Variants in DPP10 observed in about 807,000 individuals in gnomAD.
The protein encoded by DPP10 is inactive dipeptidyl peptidase 10.
In DPP10, 33 loss-of-function variants were observed where a neutral mutation model predicts 120.9. That is an observed-to-expected ratio of 0.27 (90% CI 0.21 to 0.37). The LOEUF (loss-of-function observed/expected upper bound fraction) is 0.37. DPP10 is among the 10% of genes least tolerant of loss of function. DPP10 has a pLI of 1.00. For missense variants in DPP10, 816 were observed against 942.8 expected (o/e 0.87, Z 1.76); for synonymous variants, 337 against 326.1 (o/e 1.03, Z -0.36).
intron 1 of DPP10, among the ~76,000 whole-genome samples, chr2:115,035,781 T>C (rs1704187991): frequency 6.6e-6 from 1 of 152,222 alleles, no homozygotes. Flanking sequence ...ACCATTTATA[T>C]ACAAAAAACA....
At chr2:114,789,744 G>A (rs940577174) in intron 1 of DPP10, among the ~76,000 whole-genome samples, 1 of 152,122 alleles carries the variant, frequency 6.6e-6, no homozygotes, top group Non-Finnish European at 1.5e-5. Flanking sequence ...GTACACAAAG[G>A]GATGGAGATG....
At chr2:115,823,300 G>A (rs1687992715) in intron 21 of DPP10, among the ~76,000 whole-genome samples, 1 of 152,092 alleles carries the variant, frequency 6.6e-6, no homozygotes, top group Non-Finnish European at 1.5e-5. Flanking sequence ...TGGACTTATG[G>A]CTCAAATTTT....
At chr2:115,069,937 T>C (rs1707236786) in intron 1 of DPP10, among the ~76,000 whole-genome samples, 2 of 152,058 alleles carry the variant, frequency 1.3e-5, no homozygotes, top group African/African-American at 4.8e-5. Flanking sequence ...GATTTTAATC[T>C]CCTTACCTGT....
intron 3 of DPP10, among the ~76,000 whole-genome samples, chr2:115,465,860 CACA>C (rs1451782233): frequency 6.6e-6 from 1 of 152,024 alleles, no homozygotes; most frequent in Non-Finnish European, 1.5e-5. Flanking sequence ...AAATAATAAG[CACA>C]ACATTTTGTC....
intron 5 of DPP10, among the ~76,000 whole-genome samples, chr2:115,536,656 ATT>A (rs2078864909): frequency 6.6e-6 from 1 of 151,988 alleles, no homozygotes; most frequent in Admixed American, 6.6e-5. Context: ...TTATGATGCT[ATT>A]TTATAGGACA....
intron 3 of DPP10, among the ~76,000 whole-genome samples, chr2:115,345,433 A>G (rs1208529740): frequency 6.6e-6 from 1 of 152,214 alleles, no homozygotes; most frequent in Admixed American, 6.5e-5. Context: ...GTGTGATTAT[A>G]ATTATGACAA....
intron 1 of DPP10, among the ~76,000 whole-genome samples, chr2:114,986,801 C>T (rs1700422510): frequency 6.6e-6 from 1 of 152,142 alleles, no homozygotes; most frequent in South Asian, 2.1e-4. Flanking sequence ...GATGGAGTCT[C>T]ACTCTGTCGC....
chr2:115,729,299 G>C (rs1257034057), intron 8 of DPP10, among the ~76,000 whole-genome samples: 1 of 152,194 alleles, frequency 6.6e-6, no homozygotes, highest in Non-Finnish European at 1.5e-5. Flanking sequence ...GAAGTGCAGA[G>C]ACTAAGACGT....
At position 115,334,330 on chromosome 2, in the gene DPP10, A is replaced by T. The variant is rs2062988826; in HGVS notation, c.176-9487A>T. Among the ~76,000 whole-genome samples, 2 of 150,150 alleles carry T rather than the reference A, an allele frequency of 1.3e-5. 1 individual carries two copies. The highest frequency in any genetic ancestry group is 3.9e-4 in the East Asian group (2 of 5,100). On this transcript the variant is annotated intron_variant, in intron 2 of 25. Transcript: ENST00000410059. ...AGATATATAGAAGGAAATCCCTAGT[A>T]TGCCAAGAAGAGCAAAGGTGATTCC...
At chr2:115,511,376 C>A (rs2077214192) in intron 4 of DPP10, among the ~76,000 whole-genome samples, 1 of 151,978 alleles carries the variant, frequency 6.6e-6, no homozygotes, top group Admixed American at 6.6e-5. Flanking sequence ...TTATAGTATT[C>A]TGTTACATGT....
At chr2:114,860,839 A>G (rs1574361668) in intron 1 of DPP10, among the ~76,000 whole-genome samples, 1 of 152,152 alleles carries the variant, frequency 6.6e-6, no homozygotes, top group Admixed American at 6.5e-5. Context: ...AGTATTTAAT[A>G]AAAAGAATCC....
chr2:114,462,837 A>T (rs529738518), intron 1 of DPP10, among the ~76,000 whole-genome samples: 1 of 152,250 alleles, frequency 6.6e-6, no homozygotes, highest in South Asian at 2.1e-4. Flanking sequence ...TTCTATTCGG[A>T]TATCTGTCTC....
At chr2:115,517,473 A>C (rs1334435107) in intron 4 of DPP10, among the ~76,000 whole-genome samples, 2 of 152,164 alleles carry the variant, frequency 1.3e-5, no homozygotes, top group African/African-American at 2.4e-5. Context: ...CAGGTAGTCC[A>C]TGATCATCTT....
chr2:115,450,709 T>G (rs1012906320), intron 3 of DPP10, among the ~76,000 whole-genome samples: 1 of 151,892 alleles, frequency 6.6e-6, no homozygotes, highest in South Asian at 2.1e-4. Flanking sequence ...TGTTTAAAGG[T>G]GTTTTTAGCA....
chr2:115,481,765 G>C (rs567091662), intron 3 of DPP10, among the ~76,000 whole-genome samples: 40 of 151,854 alleles, frequency 2.6e-4, no homozygotes, highest in Non-Finnish European at 4.3e-4. Context: ...CTTGTACTAT[G>C]TATCATTATT....
intron 7 of DPP10, 63 bp from the exon 8 acceptor site, chr2:115,727,753 T>A: frequency 6.6e-7 from 1 of 1,509,990 alleles, no homozygotes; most frequent in East Asian, 2.4e-5. Context: ...TCTGTAATAT[T>A]AAAGTTTCAA....
chr2:115,436,312 A>T (rs1421464019), intron 3 of DPP10, among the ~76,000 whole-genome samples: 1 of 151,792 alleles, frequency 6.6e-6, no homozygotes, highest in East Asian at 1.9e-4. Flanking sequence ...ATTTGGTTTA[A>T]TTTGTCTCTA....
chr2:114,645,422 T>A (rs1696043901), intron 1 of DPP10, among the ~76,000 whole-genome samples: 1 of 152,182 alleles, frequency 6.6e-6, no homozygotes, highest in African/African-American at 2.4e-5. Flanking sequence ...TGTCTTGGAA[T>A]TTCTCTCAAT....
At chr2:114,870,172 G>T (rs1161336703) in intron 1 of DPP10, among the ~76,000 whole-genome samples, 1 of 152,084 alleles carries the variant, frequency 6.6e-6, no homozygotes, top group Non-Finnish European at 1.5e-5. Flanking sequence ...TAGCATAATG[G>T]CTGACTTCAA....
Sources: gnomAD v4.1 joint callset for allele counts (sites outside exome capture counted in the v4.1 genomes callset) on GRCh38, gnomAD v4.1.1 for gene constraint, MANE v1.5 for transcripts, NCBI Gene and HGNC (gene_info 2026-07-23, HGNC 2026-07-21) for gene names.